STPG4: variants seen among roughly 807,000 people sequenced by gnomAD.
STPG4 encodes the protein sperm-tail PG-rich repeat containing 4.
In STPG4, 41 loss-of-function variants were observed where a neutral mutation model predicts 31.5. The ratio of observed to expected loss-of-function variants is 1.30; its 90% CI spans 1.01 to 1.69. The LOEUF is 1.69. Among genes scored for constraint, STPG4 ranks in the 40% most tolerant of loss-of-function variants. The pLI is 0.00. For synonymous variants in STPG4, 141 were observed against 103.0 expected (o/e 1.37, Z -2.24); for missense variants, 375 against 293.4 (o/e 1.28, Z -2.03).
At chr2:47,118,098 A>C (rs1181818657) in intron 5 of STPG4, among the ~76,000 whole-genome samples, 1 of 152,028 alleles carries the variant, frequency 6.6e-6, no homozygotes, top group Non-Finnish European at 1.5e-5. Flanking sequence ...TTAGGTTTTA[A>C]GCGAGTTGCT....
At position 47,105,732 on chromosome 2, in the gene STPG4, C is replaced by T. The variant is rs1452812958; in HGVS notation, c.520-15358G>A. Reference sequence around the variant, plus strand: ...AGCCTCTTCCCCCAGGGACCAGTGCCCAGTTAGCAGAACTAGTGGCACTTA... The same window carrying T: ...AGCCTCTTCCCCCAGGGACCAGTGCTCAGTTAGCAGAACTAGTGGCACTTA... On this transcript the variant is annotated intron_variant, in intron 5 of 6. Coordinates refer to ENST00000445927, the MANE Select transcript of STPG4 (RefSeq NM_001163561.2). Among the ~76,000 whole-genome samples the T allele has an allele frequency of 5.9e-5, 9 of 151,950 alleles. No individual in the cohort carries two copies. In the South Asian group the frequency reaches 1.9e-3, roughly 32 times the overall value.
chr2:47,144,370 A>T (rs1686776105), intron 3 of STPG4, among the ~76,000 whole-genome samples: 1 of 152,148 alleles, frequency 6.6e-6, no homozygotes, highest in South Asian at 2.1e-4. Context: ...TATACAAGAA[A>T]ACTATGCAGC....
chr2:47,140,971 C>G (rs1686690186), intron 3 of STPG4, among the ~76,000 whole-genome samples: 2 of 151,532 alleles, frequency 1.3e-5, no homozygotes, highest in South Asian at 4.2e-4. Context: ...ACTGCACCCT[C>G]CACCTTCCAG....
At chr2:47,134,990 T>C (rs1686567497) in intron 3 of STPG4, among the ~76,000 whole-genome samples, 1 of 152,222 alleles carries the variant, frequency 6.6e-6, no homozygotes, top group Admixed American at 6.5e-5. Context: ...GACATCTGTA[T>C]GTCTTCTTTG....
At chr2:47,088,676 T>C (rs1685508782) in intron 6 of STPG4, among the ~76,000 whole-genome samples, 1 of 152,164 alleles carries the variant, frequency 6.6e-6, no homozygotes, top group Non-Finnish European at 1.5e-5. Flanking sequence ...CAGTTTCTTA[T>C]CTCTTCAGGA....
At chr2:47,142,148 C>A (rs1223630893) in intron 3 of STPG4, among the ~76,000 whole-genome samples, 2 of 151,838 alleles carry the variant, frequency 1.3e-5, no homozygotes. Flanking sequence ...AGTGAGTTAA[C>A]TGCCAGATTT....
At chr2:47,151,044 T>C (rs999781783) in intron 3 of STPG4, among the ~76,000 whole-genome samples, 1 of 152,080 alleles carries the variant, frequency 6.6e-6, no homozygotes, top group Non-Finnish European at 1.5e-5. Flanking sequence ...TTTCTCCCCA[T>C]GTACTCCCCT....
At chr2:47,102,768 AG>A (rs1394599921) in intron 5 of STPG4, among the ~76,000 whole-genome samples, 1 of 151,824 alleles carries the variant, frequency 6.6e-6, no homozygotes, top group Non-Finnish European at 1.5e-5. Flanking sequence ...TTCAAGCTGT[AG>A]GGGGAGGGGA....
Position 47,117,724 on chromosome 2 carries a change from C to T in STPG4, c.519+12217G>A, listed in dbSNP as rs142936361. Among the ~76,000 whole-genome samples, 3 of 152,322 alleles carry T rather than the reference C, an allele frequency of 2.0e-5. No homozygotes were observed. The East Asian group carries it at 5.8e-4, about 29-fold the overall frequency. The stretch of plus-strand genomic sequence containing the variant: ...AAGAGAGCATTGATAAAATGTCTCA[C>T]TTGCCTTTGTATCAACAATGCCTAC... On this transcript the variant is annotated intron_variant, in intron 5 of 6. Coordinates refer to ENST00000445927, the MANE Select transcript of STPG4 (RefSeq NM_001163561.2).
At chr2:47,098,353 CAGG>C (rs917869721) in intron 5 of STPG4, among the ~76,000 whole-genome samples, 16 of 152,272 alleles carry the variant, frequency 1.1e-4, no homozygotes, top group African/African-American at 3.4e-4. Flanking sequence ...CAGCCTGGTG[CAGG>C]AGGTGCTAAT....
At chr2:47,113,463 C>T (rs1042713641) in intron 5 of STPG4, among the ~76,000 whole-genome samples, 13 of 152,062 alleles carry the variant, frequency 8.5e-5, no homozygotes. Flanking sequence ...TTAATAAACA[C>T]TAATTAGAAT....
rs895308169 is a variant in STPG4, at chr2:47,092,223, T to G, written c.520-1849A>C. On this transcript the variant is annotated intron_variant, in intron 5 of 6. Coordinates refer to ENST00000445927, the MANE Select transcript of STPG4 (RefSeq NM_001163561.2). Reference sequence around the variant, plus strand: ...TACTTAATGTATAGATAAATGACTATGGAAATTAGGTAAAGAAGAAAAGAG... The same window carrying G: ...TACTTAATGTATAGATAAATGACTAGGGAAATTAGGTAAAGAAGAAAAGAG... Among the ~76,000 whole-genome samples, 5 of 145,112 alleles carry G rather than the reference T, an allele frequency of 3.4e-5. No individual in the cohort carries two copies. The Admixed American group carries it at 3.5e-4, about 10-fold the overall frequency.
intron 5 of STPG4, among the ~76,000 whole-genome samples, chr2:47,122,336 A>G (rs928932730): frequency 2.0e-5 from 3 of 152,088 alleles, no homozygotes; most frequent in Non-Finnish European, 2.9e-5. Context: ...AGCATTTTTA[A>G]TGTTATATAA....
At chr2:47,137,822 C>A (rs980958125) in intron 3 of STPG4, among the ~76,000 whole-genome samples, 1 of 151,918 alleles carries the variant, frequency 6.6e-6, no homozygotes, top group Non-Finnish European at 1.5e-5. Flanking sequence ...GTAGTGATGT[C>A]TCCTCTTTTG....
At chr2:47,136,730 G>A (rs1036802163) in intron 3 of STPG4, among the ~76,000 whole-genome samples, 1 of 152,182 alleles carries the variant, frequency 6.6e-6, no homozygotes, top group Non-Finnish European at 1.5e-5. Context: ...ATGGAAGAGA[G>A]AGAAAGGCAT....
At chr2:47,152,832 G>A (rs996135911) in intron 2 of STPG4, 125 bp downstream of exon 2, 2 of 595,948 alleles carry the variant, frequency 3.4e-6, no homozygotes, top group Admixed American at 7.0e-5. Flanking sequence ...ATGACATGAG[G>A]TCCATGCAGA....
chr2:47,133,639 G>A (rs138634719), intron 3 of STPG4, among the ~76,000 whole-genome samples: 31,432 of 127,894 alleles, frequency 0.25, 3,759 homozygotes, highest in Middle Eastern at 0.4. Context: ...GTGCAATGGC[G>A]CAATCTCGGC....
chr2:47,144,666 C>G (rs1686781412), intron 3 of STPG4, among the ~76,000 whole-genome samples: 1 of 152,118 alleles, frequency 6.6e-6, no homozygotes, highest in African/African-American at 2.4e-5. Context: ...GGGCGATTAA[C>G]CTTCCCACTG....
intron 6 of STPG4, among the ~76,000 whole-genome samples, chr2:47,089,023 C>CA (rs1053957357): frequency 4.6e-5 from 7 of 152,252 alleles, no homozygotes; most frequent in African/African-American, 1.7e-4. Flanking sequence ...TCACTGCCAC[C>CA]AACAACCTTC....
Sources: gnomAD v4.1 joint callset for allele counts (sites outside exome capture counted in the v4.1 genomes callset) on GRCh38, gnomAD v4.1.1 for gene constraint, MANE v1.5 for transcripts, NCBI Gene and HGNC (gene_info 2026-07-23, HGNC 2026-07-21) for gene names.